DAPK3: variants seen among roughly 807,000 people sequenced by gnomAD.
DAPK3 encodes death-associated protein kinase 3.
In DAPK3, 24 loss-of-function variants were observed where a neutral mutation model predicts 30.6. The ratio of observed to expected loss-of-function variants is 0.78; its 90% confidence interval spans 0.57 to 1.10. DAPK3 has a LOEUF of 1.10. Ranked by LOEUF, DAPK3 falls within the 50% of genes least tolerant of loss-of-function variation. DAPK3 has a pLI of 0.00. For missense variants in DAPK3, 629 were observed against 657.3 expected (o/e 0.96, Z 0.47); for synonymous variants, 341 against 284.0 (o/e 1.20, Z -2.02).
chr19:3,960,284 G>GAGCTGAGACCTC (rs2039495211), intron 7 of DAPK3, among the ~76,000 whole-genome samples, 180 bp from the exon 8 acceptor site: 1 of 152,122 alleles, frequency 6.6e-6, no homozygotes, highest in Non-Finnish European at 1.5e-5. Context: ...GTGGTGGAGA[G>GAGCTGAGACCTC]AGCTGAGACC....
intron 6 of DAPK3, among the ~76,000 whole-genome samples, chr19:3,962,912 A>T (rs1435714886): frequency 6.6e-6 from 1 of 151,690 alleles, no homozygotes; most frequent in Non-Finnish European, 1.5e-5. Flanking sequence ...ACCAGCCTTG[A>T]TCAACATGGT....
intron 5 of DAPK3, 65 bp from the exon 6 acceptor site, chr19:3,963,734 C>A: frequency 7.3e-7 from 1 of 1,372,510 alleles, no homozygotes. Flanking sequence ...AGGACCGTGG[C>A]GTCCAGCGCC....
chr19:3,960,123 G>C lies in DAPK3; in HGVS notation c.783-19C>G, dbSNP rs375585156. 1.5e-5 allele frequency: 21 copies of C among 1,441,600 alleles called. No individual in the cohort carries two copies. The African/African-American group carries it at 2.7e-4, about 18-fold the overall frequency. 89.3% of individuals were successfully genotyped at this position (1,441,600 alleles called of 1,614,324 possible). A position where few individuals can be genotyped will look rare whatever the true frequency, so the allele number is the denominator to read the frequency against. The stretch of plus-strand genomic sequence containing the variant: ...TCTCCGCCTGGAAGACCCCCGCTCT[G>C]GTTAGGTACACCTGCACCATCTGTC... On this transcript the variant is annotated intron_variant, in intron 7 of 8. Coordinates refer to ENST00000545797, the MANE Select transcript of DAPK3 (RefSeq NM_001348.3).
At position 3,964,552 on chromosome 19, in the gene DAPK3, G is replaced by A; in HGVS notation, c.423+79C>T. 4.2e-6 allele frequency: 6 copies of A among 1,441,268 alleles called. No homozygotes were observed. In the South Asian group the frequency reaches 6.3e-5, roughly 15 times the overall value. The allele number at this position is 1,441,268 out of a possible 1,614,324, so 89.3% of individuals were successfully genotyped here. The stretch of plus-strand genomic sequence containing the variant: ...CACACCTCACCCCCACGCGCAGGAG[G>A]TGCCTTCCAGGCTCTTCCCCGCCCC... On this transcript the variant is annotated intron_variant, in intron 3 of 8. Transcript: ENST00000545797.
rs1226110335 is a variant in DAPK3 at position 3,964,977 on chromosome 19, A to ATCGCAAACTGGCC, written c.64_76dup (p.Ile26ArgfsTer82). ...GCCCTTCTGCCGGCACTTCCGCACG[A>ATCGCAAACTGGCC]TCGCAAACTGGCCGCTGGAGGAGGG... On this transcript the variant is annotated frameshift_variant, in exon 3 of 9. Coordinates refer to ENST00000545797, the MANE Select transcript of DAPK3 (RefSeq NM_001348.3). LOFTEE classifies it high-confidence loss of function. 3.1e-6 allele frequency: 5 copies of ATCGCAAACTGGCC among 1,601,924 alleles called. No homozygotes were observed. The African/African-American group carries it at 6.7e-5, about 21-fold the overall frequency.
chr19:3,967,063 C>A (rs1319821028), intron 2 of DAPK3, among the ~76,000 whole-genome samples: 1 of 152,204 alleles, frequency 6.6e-6, no homozygotes, highest in Non-Finnish European at 1.5e-5. Context: ...TCACTCCCAA[C>A]CCACTTCCTA....
Position 3,969,974 on chromosome 19 carries a change from T to A in DAPK3, c.-94-145A>T, listed in dbSNP as rs2039617614. 5 of 557,024 alleles carry A rather than the reference T, an allele frequency of 9.0e-6. No individual in the cohort carries two copies. In the Admixed American group the frequency reaches 9.8e-5, roughly 11 times the overall value. The allele number at this position is 557,024 out of a possible 1,614,324, so 34.5% of individuals were successfully genotyped here. A position where few individuals can be genotyped will look rare whatever the true frequency, so the allele number is the denominator to read the frequency against. ...ACTCGACAAAAAGAGGTGCTGTGTT[T>A]ACTGGGCTGGGTCCTGTCATGTCAC... On this transcript the variant is annotated intron_variant, in intron 1 of 8. Coordinates refer to ENST00000545797, the MANE Select transcript of DAPK3 (RefSeq NM_001348.3).
intron 2 of DAPK3, among the ~76,000 whole-genome samples, chr19:3,966,809 C>G (rs2039581693): frequency 6.6e-6 from 1 of 152,180 alleles, no homozygotes; most frequent in African/African-American, 2.4e-5. Context: ...CCTACAGCAA[C>G]AGCAGACCAC....
At chr19:3,969,134 G>A (rs766408018) in intron 2 of DAPK3, among the ~76,000 whole-genome samples, 2 of 152,060 alleles carry the variant, frequency 1.3e-5, no homozygotes, top group African/African-American at 4.8e-5. Flanking sequence ...TTAACACAGG[G>A]AGATTTTTTT....
In DAPK3 at chr19:3,959,462, G is replaced by A. The variant is rs1168837408; in HGVS notation, c.1004C>T (p.Ala335Val). The A allele has an allele frequency of 3.2e-6, 5 of 1,545,456 alleles. No homozygotes were observed. The highest frequency in any genetic ancestry group is 3.5e-6 in the Non-Finnish European group (4 of 1,152,228). ...CTGCAGCTCGCGCAGGCCCTCCTCGGCGGCCGCCGCCTCCTCCAGCACCTT... is the reference window on the plus strand; with the variant it reads ...CTGCAGCTCGCGCAGGCCCTCCTCGACGGCCGCCGCCTCCTCCAGCACCTT... ...FSKVLEEAAAAEEGLRELQRS... is the reference protein window; with the variant it reads ...FSKVLEEAAAVEEGLRELQRS... The change falls in exon 9 of 9, where the codon GCC becomes GTC. Residue 335 changes from alanine (A) to valine (V), a missense_variant. Around this residue, in one of 2 missense-constraint regions of DAPK3, gnomAD observed 323 missense variants for 278.8 expected, o/e 1.16. Coordinates refer to ENST00000545797, the MANE Select transcript of DAPK3 (RefSeq NM_001348.3).
At chr19:3,968,898 T>A (rs1284184204) in intron 2 of DAPK3, among the ~76,000 whole-genome samples, 1 of 152,056 alleles carries the variant, frequency 6.6e-6, no homozygotes, top group Non-Finnish European at 1.5e-5. Context: ...GGCCTAGTGG[T>A]GCCTGGCTAG....
intron 3 of DAPK3, 68 bp downstream of exon 3, chr19:3,964,563 G>T: frequency 1.4e-6 from 2 of 1,453,392 alleles, no homozygotes; most frequent in Non-Finnish European, 1.8e-6. Context: ...TGCCTTCCAG[G>T]CTCTTCCCCG....
chr19:3,963,330 C>G (rs964636442), intron 6 of DAPK3, among the ~76,000 whole-genome samples: 1 of 152,132 alleles, frequency 6.6e-6, no homozygotes, highest in Non-Finnish European at 1.5e-5. Context: ...CAAAACCCAG[C>G]GTGGGGTCGG....
intron 7 of DAPK3, among the ~76,000 whole-genome samples, 193 bp downstream of exon 7, chr19:3,960,816 A>C (rs1737072439): frequency 6.6e-6 from 1 of 150,930 alleles, no homozygotes; most frequent in African/African-American, 2.4e-5. Context: ...AAAAAAAAAA[A>C]AAAAAAAACC....
At chr19:3,964,532 C>T in intron 3 of DAPK3, 99 bp downstream of exon 3, 1 of 1,424,214 alleles carries the variant, frequency 7.0e-7, no homozygotes, top group Non-Finnish European at 9.4e-7. Context: ...CTCCCCACAC[C>T]TCACCCCCAC....
intron 1 of DAPK3, 65 bp from the exon 2 acceptor site, chr19:3,969,894 G>A (rs2039617084): frequency 1.6e-6 from 1 of 616,302 alleles, no homozygotes; most frequent in South Asian, 1.9e-5. Flanking sequence ...CTAGATTAAT[G>A]GACAGACCTG....
chr19:3,963,801 C>T, intron 5 of DAPK3, 70 bp downstream of exon 5: 1 of 1,263,662 alleles, frequency 7.9e-7, no homozygotes, highest in Non-Finnish European at 1.1e-6. Context: ...CCCGCTTCAT[C>T]CCCAGCTGCA....
At chr19:3,966,843 C>T (rs1355984309) in intron 2 of DAPK3, among the ~76,000 whole-genome samples, 1 of 152,242 alleles carries the variant, frequency 6.6e-6, no homozygotes, top group Non-Finnish European at 1.5e-5. Context: ...CAGACAGCCC[C>T]CGGTCTCACT....
In DAPK3 at chr19:3,969,721, C is replaced by A; in HGVS notation, c.15G>T (p.Arg5Ser). 6.2e-7 allele frequency: 1 copy of A among 1,612,092 alleles called. No homozygotes were observed. Among genetic ancestry groups the A allele is most frequent in the South Asian group, 1.1e-5 (1 of 91,062 alleles). Residue 5 changes from arginine (R) to serine (S), a missense_variant, in exon 2 of 9, where the codon AGG becomes AGT. Physicochemically the swap from Arg to Ser is moderately radical, Grantham distance 110. This residue lies in a region of DAPK3 where 306 missense variants were observed against 378.5 expected (regional missense o/e 0.81). Coordinates refer to ENST00000545797, the MANE Select transcript of DAPK3 (RefSeq NM_001348.3). ...CATAATGGTCCTCCACGTCCTCCTGCCTGAACGTGGACATGGCGGCCGGTC... is the reference window on the plus strand; with the variant it reads ...CATAATGGTCCTCCACGTCCTCCTGACTGAACGTGGACATGGCGGCCGGTC... MSTF[R>S]QEDVEDHYEM... is the part of the protein sequence containing the mutation.
Sources: gnomAD v4.1 joint callset for allele counts (sites outside exome capture counted in the v4.1 genomes callset) on GRCh38, gnomAD v4.1.1 for gene constraint, gnomAD v4.1.1 regional missense constraint, MANE v1.5 for transcripts, NCBI Gene and HGNC (gene_info 2026-07-23, HGNC 2026-07-21) for gene names.